The following TAFA1 variants were observed in gnomAD, a reference collection of about 807,000 sequenced individuals.
TAFA1 encodes the protein TAFA chemokine like family member 1, also known as chemokine-like protein TAFA-1.
TAFA1 carries 4 observed loss-of-function variants against 18.5 expected under a neutral mutation model. The observed-to-expected ratio is 0.22, with a 90% confidence interval of 0.11 to 0.49. The LOEUF (loss-of-function observed/expected upper bound fraction) is 0.49. Among genes scored for constraint, TAFA1 ranks in the 20% least tolerant of loss-of-function variants. The pLI is 0.98. For synonymous variants in TAFA1, 56 were observed against 55.2 expected (o/e 1.01, Z -0.06); for missense variants, 147 against 169.0 (o/e 0.87, Z 0.72).
At chr3:68,528,910 G>A (rs1169398064) in intron 3 of TAFA1, among the ~76,000 whole-genome samples, 1 of 152,090 alleles carries the variant, frequency 6.6e-6, no homozygotes, top group African/African-American at 2.4e-5. Context: ...TGAAGATAAT[G>A]ATAGCTAATA....
intron 2 of TAFA1, among the ~76,000 whole-genome samples, chr3:68,350,424 AC>A (rs1559628941): frequency 6.6e-6 from 1 of 152,068 alleles, no homozygotes; most frequent in Non-Finnish European, 1.5e-5. Context: ...TGGTCCTTGG[AC>A]TTTTTGCAGT....
chr3:68,117,212 T>C (rs184401390), intron 2 of TAFA1, among the ~76,000 whole-genome samples: 1 of 152,208 alleles, frequency 6.6e-6, no homozygotes, highest in African/African-American at 2.4e-5. Context: ...TCATTTTCCC[T>C]TGGAGCCAGT....
At chr3:68,507,325 G>A (rs2072775143) in intron 3 of TAFA1, among the ~76,000 whole-genome samples, 1 of 151,972 alleles carries the variant, frequency 6.6e-6, no homozygotes, top group Non-Finnish European at 1.5e-5. Flanking sequence ...ACAGGATAGG[G>A]AAAGAGATCC....
chr3:68,257,592 C>G (rs1371361847), intron 2 of TAFA1, among the ~76,000 whole-genome samples: 2 of 152,064 alleles, frequency 1.3e-5, no homozygotes, highest in Admixed American at 1.3e-4. Flanking sequence ...TTATTTAATC[C>G]TCACAATAAC....
At chr3:68,146,209 G>A (rs2065738249) in intron 2 of TAFA1, among the ~76,000 whole-genome samples, 1 of 152,184 alleles carries the variant, frequency 6.6e-6, no homozygotes, top group African/African-American at 2.4e-5. Context: ...TGCAGATTCT[G>A]GTTGAGTGGG....
intron 2 of TAFA1, among the ~76,000 whole-genome samples, chr3:68,188,342 A>G (rs2066294380): frequency 1.3e-5 from 2 of 151,784 alleles, no homozygotes; most frequent in African/African-American, 4.8e-5. Flanking sequence ...TGGCTTTAAT[A>G]CAGAATTTTA....
chr3:68,047,386 C>T lies in TAFA1; in HGVS notation c.118+40642C>T, dbSNP rs575747795. Reference sequence around the variant, plus strand: ...AAAAATGCATAAATTCAAGAAGGGGCTCACCACAAAGGGATGGCATAGCAG... The same window carrying T: ...AAAAATGCATAAATTCAAGAAGGGGTTCACCACAAAGGGATGGCATAGCAG... On this transcript the variant is annotated intron_variant, in intron 2 of 4. Coordinates refer to ENST00000478136, the MANE Select transcript of TAFA1 (RefSeq NM_213609.4). Among the ~76,000 whole-genome samples the T allele has an allele frequency of 3.3e-4, 50 of 152,224 alleles. No homozygotes were observed. In the South Asian group the frequency reaches 0.01, roughly 32 times the overall value.
intron 2 of TAFA1, among the ~76,000 whole-genome samples, chr3:68,070,348 TTTTAGC>T: frequency 6.6e-6 from 1 of 152,310 alleles, no homozygotes; most frequent in East Asian, 1.9e-4. Flanking sequence ...CCTTGGCCCA[TTTTAGC>T]TGCAGTTGGA....
intron 2 of TAFA1, among the ~76,000 whole-genome samples, chr3:68,021,156 A>C (rs373033196): frequency 2.4e-5 from 3 of 122,566 alleles, no homozygotes; most frequent in East Asian, 2.8e-4. Context: ...ACTGCACTCC[A>C]GCCTAGTCAA....
intron 2 of TAFA1, among the ~76,000 whole-genome samples, chr3:68,098,706 T>A (rs1219471665): frequency 6.6e-6 from 1 of 152,056 alleles, no homozygotes. Context: ...GCCAAAGCAA[T>A]CCTAAGCAAA....
At chr3:68,468,946 ATTAT>A in intron 3 of TAFA1, among the ~76,000 whole-genome samples, 1 of 152,306 alleles carries the variant, frequency 6.6e-6, no homozygotes, top group East Asian at 1.9e-4. Context: ...GAGGTGTCAA[ATTAT>A]TTCTTGTCAA....
chr3:68,436,592 T>G (rs2071272132), intron 3 of TAFA1, among the ~76,000 whole-genome samples: 1 of 152,168 alleles, frequency 6.6e-6, no homozygotes, highest in Admixed American at 6.6e-5. Flanking sequence ...TGTTCATTAA[T>G]TGGTCATCTA....
chr3:68,529,828 G>A (rs1237270565), intron 3 of TAFA1, among the ~76,000 whole-genome samples: 4 of 152,140 alleles, frequency 2.6e-5, no homozygotes, highest in African/African-American at 9.7e-5. Flanking sequence ...AGATCCACCC[G>A]ATAACTCAAA....
chr3:68,480,421 A>G (rs1237355002), intron 3 of TAFA1, among the ~76,000 whole-genome samples: 1 of 147,546 alleles, frequency 6.8e-6, no homozygotes, highest in East Asian at 2.0e-4. Flanking sequence ...TAAAAAAAAG[A>G]AAAAGAAATG....
At chr3:68,422,606 G>A (rs1490403849) in intron 3 of TAFA1, among the ~76,000 whole-genome samples, 1 of 152,000 alleles carries the variant, frequency 6.6e-6, no homozygotes, top group Non-Finnish European at 1.5e-5. Context: ...AGAAAATGTG[G>A]GGTAAAACCT....
chr3:68,388,816 G>C (rs1000048106), intron 2 of TAFA1, among the ~76,000 whole-genome samples: 7 of 151,990 alleles, frequency 4.6e-5, no homozygotes, highest in Non-Finnish European at 8.8e-5. Flanking sequence ...TTTGGATGGT[G>C]TTTTTAAACC....
chr3:68,004,000 C>A (rs1374940306), upstream of TAFA1, among the ~76,000 whole-genome samples: 1 of 152,168 alleles, frequency 6.6e-6, no homozygotes, highest in Non-Finnish European at 1.5e-5. Context: ...AGAAGTCTAA[C>A]TCCCACTAAT....
intron 2 of TAFA1, among the ~76,000 whole-genome samples, chr3:68,025,428 A>G (rs1161185812): frequency 6.6e-6 from 1 of 151,958 alleles, no homozygotes; most frequent in Admixed American, 6.6e-5. Context: ...TACAATCTAT[A>G]TTTTTCACAC....
intron 2 of TAFA1, among the ~76,000 whole-genome samples, chr3:68,281,779 C>T (rs778606072): frequency 1.3e-5 from 2 of 151,978 alleles, no homozygotes. Context: ...TTTTACATTG[C>T]GTGGGATACT....
Sources: allele counts gnomAD v4.1 joint callset (sites outside exome capture counted in the v4.1 genomes callset), GRCh38; gene constraint gnomAD v4.1.1; transcripts MANE v1.5; gene names NCBI Gene and HGNC (gene_info 2026-07-23, HGNC 2026-07-21).